DCLK3: variants seen among roughly 807,000 people sequenced by gnomAD.
DCLK3 encodes the protein doublecortin like kinase 3, also known as serine/threonine-protein kinase DCLK3.
A neutral mutation model predicts 46.4 loss-of-function variants in DCLK3; 30 were observed. The ratio of observed to expected loss-of-function variants is 0.65; its 90% CI spans 0.48 to 0.88. The LOEUF is 0.88. Ranked by LOEUF, DCLK3 falls within the 40% of genes least tolerant of loss-of-function variation. DCLK3 has a pLI of 0.00. For synonymous variants in DCLK3, 401 were observed against 339.2 expected, an observed-to-expected ratio of 1.18 and a Z score of -2.00; for missense variants, 846 against 907.1, an observed-to-expected ratio of 0.93 and a Z score of 0.87.
At chr3:36,722,496 T>C (rs1301521217) in intron 2 of DCLK3, among the ~76,000 whole-genome samples, 2 of 152,182 alleles carry the variant, frequency 1.3e-5, no homozygotes, top group Non-Finnish European at 2.9e-5. Context: ...CAAAAATATA[T>C]GCACCTAGTA....
intron 1 of DCLK3, among the ~76,000 whole-genome samples, chr3:36,744,903 T>G (rs1241949100): frequency 2.0e-5 from 3 of 152,208 alleles, no homozygotes; most frequent in Non-Finnish European, 4.4e-5. Context: ...ATGCTCTGAT[T>G]CTGGGGTGAG....
chr3:36,717,684 A>G (rs1041308921), intron 4 of DCLK3, among the ~76,000 whole-genome samples: 1 of 152,228 alleles, frequency 6.6e-6, no homozygotes, highest in African/African-American at 2.4e-5. Context: ...TCCATTCACA[A>G]ACACTTCTGC....
At chr3:36,716,495 A>C (rs991092545) in intron 4 of DCLK3, among the ~76,000 whole-genome samples, 2 of 152,204 alleles carry the variant, frequency 1.3e-5, no homozygotes, top group Non-Finnish European at 2.9e-5. Flanking sequence ...CAGGGTCCTC[A>C]AATGACTCAG....
At chr3:36,755,364 GA>G (rs903838323) in intron 1 of DCLK3, among the ~76,000 whole-genome samples, 4 of 151,542 alleles carry the variant, frequency 2.6e-5, no homozygotes, top group Non-Finnish European at 4.4e-5. Flanking sequence ...AAGAATTTAA[GA>G]AAAAAAACTA....
chr3:36,728,109 C>G, intron 2 of DCLK3, among the ~76,000 whole-genome samples: 1 of 152,126 alleles, frequency 6.6e-6, no homozygotes, highest in Admixed American at 6.5e-5. Context: ...GTAGTGCATC[C>G]CATTTATGGC....
chr3:36,721,562 G>A lies in DCLK3; in HGVS notation c.2057C>T (p.Pro686Leu). The A allele has an allele frequency of 1.2e-6, 2 of 1,614,112 alleles. No homozygotes were observed. Among genetic ancestry groups the A allele is most frequent in the Non-Finnish European group, 1.7e-6 (2 of 1,180,006 alleles). Reference sequence around the variant, plus strand: ...AAGAATTTCGGGAGCTACGTAAGTTGGGGTCCCACACACAGTAAATATAGG... The same window carrying A: ...AAGAATTTCGGGAGCTACGTAAGTTAGGGTCCCACACACAGTAAATATAGG... ...VRPIFTVCGTPTYVAPEILSE... is the reference protein window; with the variant it reads ...VRPIFTVCGTLTYVAPEILSE... Residue 686 changes from proline (P) to leucine (L), a missense_variant, in exon 3 of 5, where the codon CCA (proline) becomes CTA (leucine). Around this residue, in one of 3 missense-constraint regions of DCLK3, gnomAD observed 247 missense variants for 322.8 expected, o/e 0.77. Transcript: ENST00000636136.
intron 3 of DCLK3, among the ~76,000 whole-genome samples, 199 bp downstream of exon 3, chr3:36,721,328 G>A (rs1701053289): frequency 6.6e-6 from 1 of 151,956 alleles, no homozygotes; most frequent in Non-Finnish European, 1.5e-5. Flanking sequence ...TCCATTGACT[G>A]TAACAAGGGC....
rs547079311 is a variant in DCLK3 at position 36,743,237 on chromosome 3, C to T, written c.83-4153G>A. 3.0e-5 allele frequency among the ~76,000 whole-genome samples: 4 copies of T among 134,742 alleles called. No homozygotes were observed. In the South Asian group the frequency reaches 1.0e-3, roughly 34 times the overall value. The allele number at this position is 134,742 out of a possible 152,430, so 88.4% of individuals were successfully genotyped here. A position where few individuals can be genotyped will look rare whatever the true frequency, so the allele number is the denominator to read the frequency against. ...ACTTCAGATTTTCAGAGCTGGGATG[C>T]TCAACTGGTAAGTATAATGCAAATA... On this transcript the variant is annotated intron_variant, in intron 1 of 4. Transcript: ENST00000636136.
rs1700925669 is a variant in DCLK3, at chr3:36,712,738, C to A, written c.*2590G>T. 6.6e-6 allele frequency: 1 copy of A among 152,084 alleles called. No individual in the cohort carries two copies. Among genetic ancestry groups the A allele is most frequent in the Admixed American group, 6.6e-5 (1 of 15,266 alleles). 9.4% of individuals were successfully genotyped at this position (152,084 alleles called of 1,614,324 possible). A position where few individuals can be genotyped will look rare whatever the true frequency, so the allele number is the denominator to read the frequency against. On this transcript the variant is annotated 3_prime_UTR_variant, in exon 5 of 5. Coordinates refer to ENST00000636136, the MANE Select transcript of DCLK3 (RefSeq NM_001394672.2). The stretch of plus-strand genomic sequence containing the variant: ...TTTTCTTCTTTCATTCAGCCTAATT[C>A]TTTGGCAGTCCATCCATGTTGTTCG...
At position 36,715,851 on chromosome 3, in the gene DCLK3, G is replaced by A. The variant is rs540440506; in HGVS notation, c.2261-330C>T. Among the ~76,000 whole-genome samples, 5 of 152,296 alleles carry A rather than the reference G, an allele frequency of 3.3e-5. No homozygotes were observed. The East Asian group carries it at 5.8e-4, about 18-fold the overall frequency. ...GTTACCATGTTGGACAGCACAGCTC[G>A]AGAGGACGTTCCTTCATTTCTCTGG... is the stretch of plus-strand genomic sequence containing the variant. On this transcript the variant is annotated intron_variant, in intron 4 of 4. Coordinates refer to ENST00000636136, the MANE Select transcript of DCLK3 (RefSeq NM_001394672.2).
At chr3:36,729,421 G>T (rs1287893450) in intron 2 of DCLK3, among the ~76,000 whole-genome samples, 1 of 152,100 alleles carries the variant, frequency 6.6e-6, no homozygotes, top group Admixed American at 6.5e-5. Flanking sequence ...TGCTTTACAT[G>T]GCACTGTAAT....
intron 2 of DCLK3, among the ~76,000 whole-genome samples, chr3:36,735,038 G>C (rs934199941): frequency 1.7e-4 from 26 of 152,182 alleles, no homozygotes; most frequent in African/African-American, 6.3e-4. Flanking sequence ...GTCTCCAAAA[G>C]AAAATCATCT....
chr3:36,713,183 C>G lies in DCLK3; in HGVS notation c.*2145G>C, dbSNP rs1439109670. ...CATTGTGATTTTAATTTGCATTTCCCTAGCCACTAAGGATGCAACTACAGC... is the reference window on the plus strand; with the variant it reads ...CATTGTGATTTTAATTTGCATTTCCGTAGCCACTAAGGATGCAACTACAGC... On this transcript the variant is annotated 3_prime_UTR_variant, in exon 5 of 5. Transcript: ENST00000636136. 1 of 152,122 alleles carries G rather than the reference C, an allele frequency of 6.6e-6. No homozygotes were observed. The highest frequency in any genetic ancestry group is 1.5e-5 in the Non-Finnish European group (1 of 68,030). 9.4% of individuals were successfully genotyped at this position (152,122 alleles called of 1,614,324 possible). A position where few individuals can be genotyped will look rare whatever the true frequency, so the allele number is the denominator to read the frequency against.
intron 2 of DCLK3, among the ~76,000 whole-genome samples, chr3:36,729,425 C>T (rs897838028): frequency 1.3e-5 from 2 of 152,154 alleles, no homozygotes; most frequent in Non-Finnish European, 2.9e-5. Context: ...TTACATGGCA[C>T]TGTAATGACT....
In DCLK3 at chr3:36,713,132, A is replaced by G. The variant is rs1439193341; in HGVS notation, c.*2196T>C. Reference sequence around the variant, plus strand: ...TCATTTTAGCCATTTAATTTTAGCTATTCTAATGGGTGTATAGTGATATTT... The same window carrying G: ...TCATTTTAGCCATTTAATTTTAGCTGTTCTAATGGGTGTATAGTGATATTT... On this transcript the variant is annotated 3_prime_UTR_variant, in exon 5 of 5. Coordinates refer to ENST00000636136, the MANE Select transcript of DCLK3 (RefSeq NM_001394672.2). 1 of 152,216 alleles carries G rather than the reference A, an allele frequency of 6.6e-6. No individual in the cohort carries two copies. Among genetic ancestry groups the G allele is most frequent in the Admixed American group, 6.5e-5 (1 of 15,284 alleles). The allele number at this position is 152,216 out of a possible 1,614,324, so 9.4% of individuals were successfully genotyped here. A position where few individuals can be genotyped will look rare whatever the true frequency, so the allele number is the denominator to read the frequency against.
chr3:36,732,044 T>G (rs896571524), intron 2 of DCLK3, among the ~76,000 whole-genome samples: 2 of 152,150 alleles, frequency 1.3e-5, no homozygotes, highest in Admixed American at 1.3e-4. Context: ...ATAACATACA[T>G]GAACACAGGG....
intron 4 of DCLK3, among the ~76,000 whole-genome samples, chr3:36,717,719 A>C (rs556284293): frequency 1.3e-5 from 2 of 152,294 alleles, no homozygotes; most frequent in Admixed American, 1.3e-4. Context: ...TTCTCTTTCC[A>C]AAGGGGAGTT....
In DCLK3 at chr3:36,737,858, T is replaced by C. The variant is rs774691438; in HGVS notation, c.1309A>G (p.Ser437Gly). The C allele has an allele frequency of 1.2e-6, 2 of 1,613,994 alleles. No individual in the cohort carries two copies. The highest frequency in any genetic ancestry group is 1.7e-5 in the Admixed American group (1 of 60,030). ...AGCCAGCCACCATGTTTGCTCCTGC[T>C]CATGGGCCTGGTGTCCTTCTTCACC... Reference protein sequence around the residue: ...REVKKDTRPMSRSKHGGWLLR... With the variant: ...REVKKDTRPMGRSKHGGWLLR... Residue 437 changes from serine to glycine, a missense_variant, in exon 2 of 5, where the codon AGC becomes GGC. Coordinates refer to ENST00000636136, the MANE Select transcript of DCLK3 (RefSeq NM_001394672.2). This position sits in a 1 kb window ranked among gnomAD's most constrained non-coding sequence, Gnocchi z 4.4.
At chr3:36,763,850 C>A (rs1375280118) in intron 1 of DCLK3, among the ~76,000 whole-genome samples, 1 of 152,240 alleles carries the variant, frequency 6.6e-6, no homozygotes. Context: ...GCAGCCTCAC[C>A]GCACCTGCAC....
Sources: gnomAD v4.1 joint callset for allele counts (sites outside exome capture counted in the v4.1 genomes callset) on GRCh38, gnomAD v4.1.1 for gene constraint, gnomAD v4.1.1 regional missense constraint, Gnocchi (gnomAD v3.1) non-coding constraint, MANE v1.5 for transcripts, NCBI Gene and HGNC (gene_info 2026-07-23, HGNC 2026-07-21) for gene names.